Variants in PLA1A observed in about 807,000 individuals in gnomAD.
PLA1A encodes phosphatidylserine-specific phospholipase A1alpha.
A neutral mutation model predicts 49.4 loss-of-function variants in PLA1A; 47 were observed. The ratio of observed to expected loss-of-function variants is 0.95; its 90% confidence interval spans 0.75 to 1.21. PLA1A has a LOEUF of 1.21. Ranked by LOEUF, PLA1A falls within the 50% of genes most tolerant of loss-of-function variation. The pLI, the probability that PLA1A is intolerant of heterozygous loss-of-function variation, is 0.00. For missense variants in PLA1A, 561 were observed against 563.9 expected, an observed-to-expected ratio of 0.99 and a Z score of 0.05; for synonymous variants, 224 against 207.9, an observed-to-expected ratio of 1.08 and a Z score of -0.67.
At chr3:119,622,142 AGGAGGAG>A (rs1201683578) in intron 8 of PLA1A, among the ~76,000 whole-genome samples, 2 of 142,522 alleles carry the variant, frequency 1.4e-5, no homozygotes, top group Non-Finnish European at 3.0e-5. Context: ...GAAGAGGAGG[AGGAGGAG>A]GAAGAAGAAG....
Position 119,618,116 on chromosome 3 carries a change from C to G in PLA1A, c.852C>G (p.Ser284Arg). 1 of 1,614,076 alleles carries G rather than the reference C, an allele frequency of 6.2e-7. No homozygotes were observed. Among genetic ancestry groups the G allele is most frequent in the Non-Finnish European group, 8.5e-7 (1 of 1,179,906 alleles). The change falls in exon 7 of 11, where the codon AGC becomes AGG. Residue 284 changes from serine to arginine, a missense_variant. Transcript: ENST00000273371. The stretch of plus-strand genomic sequence containing the variant: ...CACTGATGGCCTTTCCCTGTGCCAG[C>G]TACAAGGCCTTCCTTGCTGGACGCT... ...SCPLMAFPCA[S>R]YKAFLAGRCL...
chr3:119,626,264 C>T (rs1345606487), intron 9 of PLA1A, among the ~76,000 whole-genome samples: 1 of 152,182 alleles, frequency 6.6e-6, no homozygotes, highest in African/African-American at 2.4e-5. Context: ...GAGCATGCTT[C>T]CACTGGGTTA....
chr3:119,607,024 AACCATAAT>A, intron 2 of PLA1A, 49 bp downstream of exon 2: 1 of 1,440,354 alleles, frequency 6.9e-7, no homozygotes, highest in Non-Finnish European at 9.8e-7. Context: ...ATGATCAAGT[AACCATAAT>A]ACCATAAGAA....
rs984497221 is a variant in PLA1A at position 119,629,787 on chromosome 3, A to C, written c.*319A>C. 2 of 286,930 alleles carry C rather than the reference A, an allele frequency of 7.0e-6. No individual in the cohort carries two copies. The highest frequency in any genetic ancestry group is 1.3e-5 in the Non-Finnish European group (2 of 154,258). The allele number at this position is 286,930 out of a possible 1,614,324, so 17.8% of individuals were successfully genotyped here. On this transcript the variant is annotated 3_prime_UTR_variant, in exon 11 of 11. Coordinates refer to ENST00000273371, the MANE Select transcript of PLA1A (RefSeq NM_015900.4). Reference sequence around the variant, plus strand: ...TGTACAGGGTAAACAATTTTTTAAAAATAAAACTTCATGGAGTATCTGAAT... The same window carrying C: ...TGTACAGGGTAAACAATTTTTTAAACATAAAACTTCATGGAGTATCTGAAT...
intron 4 of PLA1A, among the ~76,000 whole-genome samples, chr3:119,612,641 A>G (rs1230304883): frequency 6.6e-6 from 1 of 152,076 alleles, no homozygotes; most frequent in Non-Finnish European, 1.5e-5. Flanking sequence ...GGCGCCCGCC[A>G]CTACGCCCAG....
At chr3:119,610,503 C>CT (rs2082750821) in intron 4 of PLA1A, among the ~76,000 whole-genome samples, 1 of 152,066 alleles carries the variant, frequency 6.6e-6, no homozygotes, top group South Asian at 2.1e-4. Flanking sequence ...TTATTTTTCA[C>CT]TTTTTTATAA....
At position 119,629,738 on chromosome 3, in the gene PLA1A, C is replaced by T. The variant is rs573268003; in HGVS notation, c.*270C>T. ...CACTTGCTTTATCTCCTTGGGCATT[C>T]GTACTTAGGATTCAATAGAAACATG... On this transcript the variant is annotated 3_prime_UTR_variant, in exon 11 of 11. Transcript: ENST00000273371. 1.4e-5 allele frequency: 6 copies of T among 418,956 alleles called. No homozygotes were observed. Among genetic ancestry groups the T allele is most frequent in the Admixed American group, 3.9e-5 (1 of 25,616 alleles). 26.0% of individuals were successfully genotyped at this position (418,956 alleles called of 1,614,324 possible). A position where few individuals can be genotyped will look rare whatever the true frequency, so the allele number is the denominator to read the frequency against.
At chr3:119,600,274 C>A in intron 1 of PLA1A, 1 of 649,118 alleles carries the variant, frequency 1.5e-6, no homozygotes, top group Non-Finnish European at 2.8e-6. Context: ...CAACCCCAGT[C>A]ACACCTAGTT....
rs1486885969 is a variant in PLA1A at position 119,625,909 on chromosome 3, C to T, written c.1121+677C>T. 1.3e-5 allele frequency among the ~76,000 whole-genome samples: 2 copies of T among 152,290 alleles called. 1 individual carries two copies. The highest frequency in any genetic ancestry group is 4.1e-4 in the South Asian group (2 of 4,824). ...AGGAAGTCAGCAGCCATGGTGCATG[C>T]TTCTTTAAAAAGCAACCGGTTAGTT... is the stretch of plus-strand genomic sequence containing the variant. On this transcript the variant is annotated intron_variant, in intron 9 of 10. Coordinates refer to ENST00000273371, the MANE Select transcript of PLA1A (RefSeq NM_015900.4).
chr3:119,611,057 C>T (rs902134592), intron 4 of PLA1A, among the ~76,000 whole-genome samples: 8 of 152,124 alleles, frequency 5.3e-5, no homozygotes, highest in African/African-American at 1.2e-4. Flanking sequence ...CACCATTTAT[C>T]GAATAGGGTA....
intron 9 of PLA1A, 55 bp downstream of exon 9, chr3:119,625,287 C>T (rs1302975736): frequency 1.8e-6 from 2 of 1,117,648 alleles, no homozygotes; most frequent in Non-Finnish European, 2.7e-6. Flanking sequence ...GTTACTTTTT[C>T]ATTTTACACA....
In PLA1A at chr3:119,606,805, C is replaced by T. The variant is rs753943074; in HGVS notation, c.105C>T (p.Cys35=). The change falls in exon 2 of 11, where the codon TGC becomes TGT. Residue 35 remains cysteine (C), a synonymous_variant. Coordinates refer to ENST00000273371, the MANE Select transcript of PLA1A (RefSeq NM_015900.4). ...GDAPPTPQPK[C]ADFQSANLFE... Reference sequence around the variant, plus strand: ...CACCTCCTACCCCACAGCCAAAGTGCGCTGACTTCCAGAGCGCCAACCTTT... The same window carrying T: ...CACCTCCTACCCCACAGCCAAAGTGTGCTGACTTCCAGAGCGCCAACCTTT... The T allele has an allele frequency of 3.1e-6, 5 of 1,614,110 alleles. No homozygotes were observed. The highest frequency in any genetic ancestry group is 2.2e-5 in the East Asian group (1 of 44,884).
intron 1 of PLA1A, 122 bp from the exon 2 acceptor site, chr3:119,606,652 G>A: frequency 3.1e-6 from 2 of 648,848 alleles, no homozygotes; most frequent in South Asian, 1.9e-5. Context: ...ACTAGCTGAT[G>A]TATAATAAAC....
chr3:119,609,452 G>C lies in PLA1A; in HGVS notation c.454-16G>C. Reference sequence around the variant, plus strand: ...CTCTGTGGCCCACGGGGAACTCACTGTTCCTGCTCTTCTAGGTGCTGGGTG... The same window carrying C: ...CTCTGTGGCCCACGGGGAACTCACTCTTCCTGCTCTTCTAGGTGCTGGGTG... On this transcript the variant is annotated splice_polypyrimidine_tract_variant and intron_variant, in intron 3 of 10. Transcript: ENST00000273371. 1 of 1,532,672 alleles carries C rather than the reference G, an allele frequency of 6.5e-7. No homozygotes were observed. 94.9% of individuals were successfully genotyped at this position (1,532,672 alleles called of 1,614,324 possible). A position where few individuals can be genotyped will look rare whatever the true frequency, so the allele number is the denominator to read the frequency against.
intron 5 of PLA1A, 46 bp from the exon 6 acceptor site, chr3:119,615,966 C>A: frequency 1.6e-6 from 2 of 1,279,486 alleles, no homozygotes; most frequent in Non-Finnish European, 2.3e-6. Flanking sequence ...CGCTGTGAGC[C>A]GACCCCCTGA....
At chr3:119,614,040 T>G (rs1180546993) in intron 5 of PLA1A, among the ~76,000 whole-genome samples, 1 of 152,178 alleles carries the variant, frequency 6.6e-6, no homozygotes, top group Admixed American at 6.5e-5. Context: ...CCACGGCAAA[T>G]GCCTGTGGGG....
At chr3:119,615,784 C>A (rs1199234324) in intron 5 of PLA1A, among the ~76,000 whole-genome samples, 1 of 151,354 alleles carries the variant, frequency 6.6e-6, no homozygotes, top group African/African-American at 2.4e-5. Flanking sequence ...GCACTCCAGC[C>A]TGGGTGACAA....
At chr3:119,602,809 A>G (rs1397940460) in intron 1 of PLA1A, among the ~76,000 whole-genome samples, 1 of 152,200 alleles carries the variant, frequency 6.6e-6, no homozygotes, top group Non-Finnish European at 1.5e-5. Context: ...ATTGAGAGAA[A>G]TGAAGTGAGG....
At chr3:119,613,329 G>A (rs531549221) in intron 5 of PLA1A, among the ~76,000 whole-genome samples, 1 of 152,358 alleles carries the variant, frequency 6.6e-6, no homozygotes, top group East Asian at 1.9e-4. Flanking sequence ...AGCTACTGTA[G>A]GCAAGAGGAT....
Sources: allele counts gnomAD v4.1 joint callset (sites outside exome capture counted in the v4.1 genomes callset), GRCh38; gene constraint gnomAD v4.1.1; transcripts MANE v1.5; gene names NCBI Gene and HGNC (gene_info 2026-07-23, HGNC 2026-07-21).